Variants in GPR107 observed in about 807,000 individuals in gnomAD.
GPR107 encodes G protein-coupled receptor 107.
Under a neutral mutation model 75.5 loss-of-function variants are expected in GPR107, and 31 were observed. The observed-to-expected ratio is 0.41, with a 90% CI of 0.31 to 0.55. The LOEUF (loss-of-function observed/expected upper bound fraction) is 0.55, where lower values mean the gene tolerates loss of function less well. GPR107 is among the 20% of genes least tolerant of loss of function. The pLI is 0.26. For synonymous variants in GPR107, 267 were observed against 251.3 expected, an observed-to-expected ratio of 1.06 and a Z score of -0.59; for missense variants, 572 against 665.7, an observed-to-expected ratio of 0.86 and a Z score of 1.55.
At chr9:130,091,505 G>A (rs1236189950) in intron 8 of GPR107, among the ~76,000 whole-genome samples, 1 of 148,976 alleles carries the variant, frequency 6.7e-6, no homozygotes, top group African/African-American at 2.5e-5. Context: ...AAGTGGTTGT[G>A]TGGTTATTTG....
intron 1 of GPR107, among the ~76,000 whole-genome samples, chr9:130,058,057 A>G (rs1829836130): frequency 1.3e-5 from 2 of 151,980 alleles, no homozygotes; most frequent in Non-Finnish European, 2.9e-5. Context: ...TTGAACTCCT[A>G]ACCTCAGGTG....
At chr9:130,102,367 G>A (rs1831052329) in intron 12 of GPR107, among the ~76,000 whole-genome samples, 1 of 152,114 alleles carries the variant, frequency 6.6e-6, no homozygotes, top group South Asian at 2.1e-4. Flanking sequence ...CCCTTTAGTA[G>A]AGTCCCTCAT....
At chr9:130,132,087 G>C (rs1831840884) in intron 17 of GPR107, among the ~76,000 whole-genome samples, 2 of 152,128 alleles carry the variant, frequency 1.3e-5, no homozygotes, top group Non-Finnish European at 2.9e-5. Context: ...GTTTTGCCAT[G>C]TTGCCCAGGC....
chr9:130,079,426 A>G (rs1589494989), intron 4 of GPR107, among the ~76,000 whole-genome samples: 1 of 152,250 alleles, frequency 6.6e-6, no homozygotes, highest in Non-Finnish European at 1.5e-5. Context: ...TCCTCGTCCA[A>G]CTACTTCCTA....
At chr9:130,094,926 C>T (rs1463346286) in intron 9 of GPR107, among the ~76,000 whole-genome samples, 2 of 152,142 alleles carry the variant, frequency 1.3e-5, no homozygotes, top group African/African-American at 4.8e-5. Flanking sequence ...GGTGATCCAC[C>T]TGCCTTGGCC....
intron 14 of GPR107, among the ~76,000 whole-genome samples, chr9:130,116,995 G>A (rs1395222047): frequency 1.3e-5 from 2 of 151,000 alleles, no homozygotes; most frequent in East Asian, 1.9e-4. Flanking sequence ...TGCCCAGGCT[G>A]GAGTGCAATG....
chr9:130,131,151 G>A (rs1831818787), intron 17 of GPR107, among the ~76,000 whole-genome samples: 1 of 152,210 alleles, frequency 6.6e-6, no homozygotes, highest in African/African-American at 2.4e-5. Flanking sequence ...CGAAGCTGCT[G>A]AAGCCCCACC....
At chr9:130,070,901 A>G (rs1360170173) in intron 1 of GPR107, among the ~76,000 whole-genome samples, 9 of 151,364 alleles carry the variant, frequency 5.9e-5, no homozygotes. Flanking sequence ...AATGTTTTGT[A>G]GAGGTGGGGG....
chr9:130,070,950 C>T (rs1050595258), intron 1 of GPR107, among the ~76,000 whole-genome samples: 1 of 151,260 alleles, frequency 6.6e-6, no homozygotes, highest in African/African-American at 2.4e-5. Context: ...AACTCCTGTC[C>T]TCAAGTGACC....
At chr9:130,100,778 A>G (rs1589512602) in intron 11 of GPR107, 76 bp downstream of exon 11, 1 of 1,060,294 alleles carries the variant, frequency 9.4e-7, no homozygotes, top group Non-Finnish European at 1.5e-6. Flanking sequence ...AACCTGCCCC[A>G]AGTTAACCAG....
intron 5 of GPR107, among the ~76,000 whole-genome samples, chr9:130,082,747 G>T (rs920626378): frequency 6.6e-6 from 1 of 151,966 alleles, no homozygotes; most frequent in African/African-American, 2.4e-5. Context: ...CCAAAGTGCT[G>T]GGATTATAGG....
chr9:130,088,528 T>C (rs1034144215), intron 7 of GPR107, among the ~76,000 whole-genome samples: 9 of 152,246 alleles, frequency 5.9e-5, no homozygotes, highest in Non-Finnish European at 1.2e-4. Flanking sequence ...TCTCTTATTA[T>C]TGATGTATAT....
chr9:130,092,764 C>T (rs549140330), intron 9 of GPR107, among the ~76,000 whole-genome samples: 14 of 152,088 alleles, frequency 9.2e-5, no homozygotes, highest in Admixed American at 2.0e-4. Flanking sequence ...TACAGGCGCC[C>T]GCCACCACGC....
At position 130,115,469 on chromosome 9, in the gene GPR107, T is replaced by TA. The variant is rs36079484; in HGVS notation, c.1306+7941dup. Among the ~76,000 whole-genome samples, 884 of 149,204 alleles carry TA rather than the reference T, an allele frequency of 5.9e-3. 9 individuals are homozygous for TA. Among genetic ancestry groups the TA allele is most frequent in the African/African-American group, 0.02 (797 of 40,628 alleles). ...TGCTCTGGTCCTTTTTGTTTTCTTT[T>TA]AAAAAAAAAAATAGGCCAGGCACGG... On this transcript the variant is annotated intron_variant, in intron 14 of 17. Coordinates refer to ENST00000347136, the MANE Select transcript of GPR107 (RefSeq NM_020960.5).
chr9:130,133,526 A>G (rs1477779722), intron 17 of GPR107, among the ~76,000 whole-genome samples: 3 of 152,156 alleles, frequency 2.0e-5, no homozygotes, highest in African/African-American at 7.2e-5. Flanking sequence ...TCTCTGGCTC[A>G]TGCAAAGGCC....
At chr9:130,064,654 C>G (rs1830027168) in intron 1 of GPR107, among the ~76,000 whole-genome samples, 1 of 152,170 alleles carries the variant, frequency 6.6e-6, no homozygotes, top group African/African-American at 2.4e-5. Context: ...AAGTTCATGT[C>G]TGCTTGGAAC....
chr9:130,062,798 C>T (rs1384422810), intron 1 of GPR107, among the ~76,000 whole-genome samples: 1 of 151,480 alleles, frequency 6.6e-6, no homozygotes, highest in Non-Finnish European at 1.5e-5. Flanking sequence ...TAGCTCACTG[C>T]AGCCTCAAAC....
At chr9:130,063,402 G>A (rs1589480621) in intron 1 of GPR107, among the ~76,000 whole-genome samples, 1 of 152,190 alleles carries the variant, frequency 6.6e-6, no homozygotes, top group South Asian at 2.1e-4. Context: ...GTGTTAGCCA[G>A]GATGGTCTCA....
chr9:130,089,345 G>T (rs1478363324), intron 7 of GPR107, among the ~76,000 whole-genome samples: 1 of 152,202 alleles, frequency 6.6e-6, no homozygotes, highest in Non-Finnish European at 1.5e-5. Flanking sequence ...TTCTTGGGAT[G>T]CGTGGAGCAG....
Sources: gnomAD v4.1 joint callset for allele counts (sites outside exome capture counted in the v4.1 genomes callset) on GRCh38, gnomAD v4.1.1 for gene constraint, MANE v1.5 for transcripts, NCBI Gene and HGNC (gene_info 2026-07-23, HGNC 2026-07-21) for gene names.